Variants in PER3 observed in about 807,000 individuals in gnomAD.
The protein encoded by PER3 is period circadian protein homolog 3.
PER3 carries 107 observed loss-of-function variants against 127.2 expected under a neutral mutation model. That is an observed-to-expected ratio of 0.84 (90% CI 0.72 to 0.99). PER3 has a LOEUF of 0.99. Ranked by LOEUF, PER3 falls within the 50% of genes least tolerant of loss-of-function variation. The pLI, the probability that PER3 is intolerant of heterozygous loss-of-function variation, is 0.00. For missense variants in PER3, 1,560 were observed against 1,525.8 expected (o/e 1.02, Z -0.37); for synonymous variants, 618 against 585.8 (o/e 1.05, Z -0.79).
Position 7,836,989 on chromosome 1 carries a change from T to C in PER3, c.3399-10T>C, listed in dbSNP as rs1350690185. On this transcript the variant is annotated splice_polypyrimidine_tract_variant and intron_variant, in intron 20 of 21. Coordinates refer to ENST00000377532, the MANE Select transcript of PER3 (RefSeq NM_001377275.1). ...TCAGGACTATTAAGATTCTGTTTGTTTGTTTTCAGGGTTAAAGAAGTTGTA... is the reference window on the plus strand; with the variant it reads ...TCAGGACTATTAAGATTCTGTTTGTCTGTTTTCAGGGTTAAAGAAGTTGTA... 6.2e-7 allele frequency: 1 copy of C among 1,608,424 alleles called. No homozygotes were observed. Among genetic ancestry groups the C allele is most frequent in the African/African-American group, 1.3e-5 (1 of 74,564 alleles).
chr1:7,827,246 C>G lies in PER3; in HGVS notation c.2317C>G (p.Gln773Glu). The G allele has an allele frequency of 6.2e-7, 1 of 1,614,012 alleles. No homozygotes were observed. Among genetic ancestry groups the G allele is most frequent in the Non-Finnish European group, 8.5e-7 (1 of 1,179,960 alleles). The stretch of plus-strand genomic sequence containing the variant: ...CTCTGGTCCCCGCAGGGGAGCGCAT[C>G]AGAACGCACAGCCCTGCTGCCCCTC... ...TGSGPRRGAH[Q>E]NAQPCCPSAA... Residue 773 changes from glutamine to glutamate, a missense_variant, in exon 18 of 22, where the codon CAG (glutamine) becomes GAG (glutamate). Around this residue, in one of 3 missense-constraint regions of PER3, gnomAD observed 1,332 missense variants for 1,223.6 expected, o/e 1.09. Transcript: ENST00000377532.
intron 1 of PER3, 22 bp from the exon 2 acceptor site, chr1:7,784,632 C>T (rs976532900): frequency 5.1e-6 from 2 of 391,192 alleles, no homozygotes; most frequent in Non-Finnish European, 4.5e-6. Context: ...TGTCCCTTGT[C>T]ACCCTTGTCT....
intron 10 of PER3, 55 bp from the exon 11 acceptor site, chr1:7,808,838 C>T: frequency 1.1e-6 from 1 of 915,622 alleles, no homozygotes; most frequent in Admixed American, 1.8e-5. Flanking sequence ...TATTAAAAAT[C>T]ACTTTCGACT....
intron 5 of PER3, among the ~76,000 whole-genome samples, chr1:7,789,310 G>A (rs547024882): frequency 9.8e-4 from 149 of 152,178 alleles, no homozygotes; most frequent in African/African-American, 3.3e-3. Context: ...CCCATGTGTC[G>A]TGGGAGGAAC....
At chr1:7,802,858 C>G (rs1307881942) in intron 8 of PER3, among the ~76,000 whole-genome samples, 189 bp from the exon 9 acceptor site, 1 of 152,216 alleles carries the variant, frequency 6.6e-6, no homozygotes, top group Non-Finnish European at 1.5e-5. Context: ...AGATGACCAA[C>G]ATGTGTTAGA....
intron 10 of PER3, 45 bp downstream of exon 10, chr1:7,803,893 A>C: frequency 6.7e-7 from 1 of 1,494,518 alleles, no homozygotes; most frequent in East Asian, 2.3e-5. Context: ...CTCTTGTATC[A>C]AATAATATTC....
In PER3 at chr1:7,789,137, T is replaced by TAA. The variant is rs2097106453; in HGVS notation, c.592+894_592+895dup. On this transcript the variant is annotated intron_variant, in intron 5 of 21. Coordinates refer to ENST00000377532, the MANE Select transcript of PER3 (RefSeq NM_001377275.1). ...TTGTGAAGTGTCTCTTAAAGAGCTT[T>TAA]AAAATATATATATATATATATCAGC... 5.5e-5 allele frequency among the ~76,000 whole-genome samples: 4 copies of TAA among 73,196 alleles called. No homozygotes were observed. In the South Asian group the frequency reaches 1.7e-3, roughly 32 times the overall value. The allele number at this position is 73,196 out of a possible 152,430, so 48.0% of individuals were successfully genotyped here. A position where few individuals can be genotyped will look rare whatever the true frequency, so the allele number is the denominator to read the frequency against.
chr1:7,804,373 G>A (rs533317170), intron 10 of PER3, among the ~76,000 whole-genome samples: 89 of 142,888 alleles, frequency 6.2e-4, no homozygotes, highest in Non-Finnish European at 9.7e-4. Context: ...TCAGCCTTCC[G>A]CCATCAAATT....
intron 13 of PER3, among the ~76,000 whole-genome samples, chr1:7,814,183 G>C (rs545746960): frequency 9.2e-5 from 14 of 152,156 alleles, no homozygotes; most frequent in Non-Finnish European, 1.8e-4. Context: ...GTCCAACATA[G>C]GTGTAATTGG....
At chr1:7,786,981 G>A (rs2097094518) in intron 4 of PER3, 145 bp downstream of exon 4, 1 of 621,088 alleles carries the variant, frequency 1.6e-6, no homozygotes, top group South Asian at 2.0e-5. Context: ...GAGGCATGGT[G>A]TAGCTTCTCC....
At position 7,833,451 on chromosome 1, in the gene PER3, G is replaced by A. The variant is rs148173313; in HGVS notation, c.3215-2311G>A. Among the ~76,000 whole-genome samples, 967 of 152,262 alleles carry A rather than the reference G, an allele frequency of 6.4e-3. 8 individuals are homozygous for A. The highest frequency in any genetic ancestry group is 0.017 in the Middle Eastern group (5 of 294). On this transcript the variant is annotated intron_variant, in intron 19 of 21. Transcript: ENST00000377532. ...GTATTTTGAAGCTCTTTTATTAGGT[G>A]CATATACACTTGAGATTATTATATC...
intron 14 of PER3, 92 bp downstream of exon 14, chr1:7,819,512 C>T (rs1337097409): frequency 8.5e-7 from 1 of 1,182,752 alleles, no homozygotes; most frequent in African/African-American, 1.5e-5. Context: ...AATAGCTGCT[C>T]TGACTTGGTT....
intron 21 of PER3, among the ~76,000 whole-genome samples, chr1:7,837,395 T>C (rs2097363532): frequency 1.3e-5 from 2 of 152,182 alleles, no homozygotes; most frequent in African/African-American, 2.4e-5. Context: ...CCAGGTGGTT[T>C]TTTCTTCTAC....
In PER3 at chr1:7,827,723, C is replaced by T; in HGVS notation, c.2794C>T (p.Pro932Ser). ...HPFITSRSSS[P>S]LQLNLLQEEM... ...GTTCATTACTTCGAGAAGCAGCTCA[C>T]CCTTGCAGTTAAACTTACTTCAGGA... Residue 932 changes from proline to serine, a missense_variant, in exon 18 of 22, where the codon CCC (proline) becomes TCC (serine). Transcript: ENST00000377532. 6.2e-7 allele frequency: 1 copy of T among 1,614,116 alleles called. No homozygotes were observed. The highest frequency in any genetic ancestry group is 8.5e-7 in the Non-Finnish European group (1 of 1,180,010).
At chr1:7,818,550 A>G (rs1224479270) in intron 13 of PER3, among the ~76,000 whole-genome samples, 1 of 152,130 alleles carries the variant, frequency 6.6e-6, no homozygotes, top group Non-Finnish European at 1.5e-5. Flanking sequence ...TTATCTTTCC[A>G]GCTACCCTTT....
At chr1:7,831,861 TTGTC>T (rs1230596081) in intron 19 of PER3, among the ~76,000 whole-genome samples, 2 of 152,242 alleles carry the variant, frequency 1.3e-5, no homozygotes, top group African/African-American at 4.8e-5. Flanking sequence ...TGTAATGTCT[TTGTC>T]TGGTTTTGGT....
chr1:7,839,144 C>T (rs1392497137), intron 21 of PER3, among the ~76,000 whole-genome samples: 3 of 152,086 alleles, frequency 2.0e-5, no homozygotes, highest in Admixed American at 6.5e-5. Context: ...ATGGGGATTA[C>T]GTTTAGCATT....
rs747852399 is a variant in PER3 at position 7,786,764 on chromosome 1, T to G, written c.318T>G (p.Pro106=). 6.2e-7 allele frequency: 1 copy of G among 1,612,484 alleles called. No homozygotes were observed. The highest frequency in any genetic ancestry group is 1.1e-5 in the South Asian group (1 of 91,054). The change falls in exon 4 of 22, where the codon CCT becomes CCG. Residue 106 remains proline, a synonymous_variant. Transcript: ENST00000377532. ...AGATTCTCAGTCAGAATGGAGCACC[T>G]CAGGCAGATGTGAGCATGTACAGTC... The part of the protein sequence containing the change: ...FFQILSQNGA[P]QADVSMYSLE...
intron 6 of PER3, among the ~76,000 whole-genome samples, chr1:7,795,939 G>A (rs946431015): frequency 3.9e-5 from 6 of 152,158 alleles, no homozygotes; most frequent in Non-Finnish European, 5.9e-5. Context: ...CTCAGATCTC[G>A]TCTGATTTCC....
Sources: allele counts gnomAD v4.1 joint callset (sites outside exome capture counted in the v4.1 genomes callset), GRCh38; gene constraint gnomAD v4.1.1; regional missense constraint gnomAD v4.1.1; transcripts MANE v1.5; gene names NCBI Gene and HGNC (gene_info 2026-07-23, HGNC 2026-07-21).